Variants in ZNF699 observed in about 807,000 individuals in gnomAD.
ZNF699 encodes the protein hangover homolog.
ZNF699 carries 18 observed loss-of-function variants against 22.5 expected under a neutral mutation model. The ratio of observed to expected loss-of-function variants is 0.80; its 90% CI spans 0.55 to 1.19. The LOEUF (loss-of-function observed/expected upper bound fraction) is 1.19. Among genes scored for constraint, ZNF699 ranks in the 50% most tolerant of loss-of-function variants. ZNF699 has a pLI of 0.00. For missense variants in ZNF699, 670 were observed against 763.4 expected (o/e 0.88, Z 1.44); for synonymous variants, 241 against 262.3 (o/e 0.92, Z 0.78).
At position 9,305,120 on chromosome 19, in the gene ZNF699, G is replaced by A. The variant is rs1490739427; in HGVS notation, c.-1C>T. The A allele has an allele frequency of 3.7e-6, 6 of 1,612,788 alleles. No individual in the cohort carries two copies. The highest frequency in any genetic ancestry group is 4.2e-6 in the Non-Finnish European group (5 of 1,179,696). On this transcript the variant is annotated 5_prime_UTR_variant, in exon 2 of 6. Transcript: ENST00000591998. ...CAGCAGTTTTTCTTTCTTCCTCCATGTCGCCTTCATGAAGAAAAGCAGGAT... is the reference window on the plus strand; with the variant it reads ...CAGCAGTTTTTCTTTCTTCCTCCATATCGCCTTCATGAAGAAAAGCAGGAT...
rs894972728 is a variant in ZNF699 at position 9,297,735 on chromosome 19, C to T, written c.286+145G>A. 2.6e-5 allele frequency: 17 copies of T among 661,292 alleles called. No individual in the cohort carries two copies. The highest frequency in any genetic ancestry group is 1.0e-4 in the South Asian group (5 of 49,348). 41.0% of individuals were successfully genotyped at this position (661,292 alleles called of 1,614,324 possible). On this transcript the variant is annotated intron_variant, in intron 4 of 5. Transcript: ENST00000591998. The surrounding 1 kb of genome is among the most constrained non-coding windows in gnomAD (Gnocchi z 4.3). Reference sequence around the variant, plus strand: ...GTCTTTGCCAAGAACAAGGAAAATGCGAGAGGACTGATAAAAAGTCAAAAT... The same window carrying T: ...GTCTTTGCCAAGAACAAGGAAAATGTGAGAGGACTGATAAAAAGTCAAAAT...
At chr19:9,309,037 G>A (rs1351704118) in intron 1 of ZNF699, among the ~76,000 whole-genome samples, 1 of 151,736 alleles carries the variant, frequency 6.6e-6, no homozygotes, top group Non-Finnish European at 1.5e-5. Context: ...ACAGTGTCTC[G>A]CTCTGTTGCC....
Position 9,293,987 on chromosome 19 carries a change from C to T in ZNF699, c.*1488G>A, listed in dbSNP as rs549445789. Among the ~76,000 whole-genome samples the T allele has an allele frequency of 1.3e-5, 2 of 151,680 alleles. No individual in the cohort carries two copies. Among genetic ancestry groups the T allele is most frequent in the African/African-American group, 4.8e-5 (2 of 41,432 alleles). ...TTTAAAGGTGTCAAGTATAAATCTT[C>T]CTCCATTAAAACAGGATGATACCCT... On this transcript the variant is annotated 3_prime_UTR_variant, in exon 6 of 6. Coordinates refer to ENST00000591998, the MANE Select transcript of ZNF699 (RefSeq NM_198535.3).
intron 2 of ZNF699, 129 bp from the exon 3 acceptor site, chr19:9,302,633 A>G: frequency 1.1e-6 from 1 of 887,404 alleles, no homozygotes; most frequent in Non-Finnish European, 1.7e-6. Flanking sequence ...CCCAGCATCT[A>G]CTCTAGGGCT....
In ZNF699 at chr19:9,295,172, A is replaced by G; in HGVS notation, c.*303T>C. 1 of 338,708 alleles carries G rather than the reference A, an allele frequency of 3.0e-6. No individual in the cohort carries two copies. Among genetic ancestry groups the G allele is most frequent in the Non-Finnish European group, 5.3e-6 (1 of 187,314 alleles). 21.0% of individuals were successfully genotyped at this position (338,708 alleles called of 1,614,324 possible). On this transcript the variant is annotated 3_prime_UTR_variant, in exon 6 of 6. Coordinates refer to ENST00000591998, the MANE Select transcript of ZNF699 (RefSeq NM_198535.3). ...GTATGTGGCTAGAGCTGAAAAGGTA[A>G]ATTTATCACCTTCAATGTTCCTATC...
chr19:9,304,956 C>A, intron 2 of ZNF699, 116 bp downstream of exon 2: 1 of 646,906 alleles, frequency 1.5e-6, no homozygotes, highest in Non-Finnish European at 2.6e-6. Context: ...GCCTTCAGTG[C>A]CTAAAATACT....
At position 9,301,965 on chromosome 19, in the gene ZNF699, C is replaced by T. The variant is rs140151320; in HGVS notation, c.175+413G>A. Among the ~76,000 whole-genome samples, 477 of 150,184 alleles carry T rather than the reference C, an allele frequency of 3.2e-3. 1 individual carries two copies. Among genetic ancestry groups the T allele is most frequent in the Non-Finnish European group, 5.1e-3 (345 of 67,722 alleles). ...TTGCCCAGGCTGGAGTGCAATGGAG[C>T]GATCTTGGCTCACCGTAACCTCCAC... On this transcript the variant is annotated intron_variant, in intron 3 of 5. Coordinates refer to ENST00000591998, the MANE Select transcript of ZNF699 (RefSeq NM_198535.3).
At chr19:9,302,334 A>G (rs2066310506) in intron 3 of ZNF699, 44 bp downstream of exon 3, 1 of 1,608,508 alleles carries the variant, frequency 6.2e-7, no homozygotes, top group Non-Finnish European at 8.5e-7. Flanking sequence ...GTGAGATAAA[A>G]TAACTTTCTA....
chr19:9,299,497 G>T (rs1295869687), intron 3 of ZNF699, among the ~76,000 whole-genome samples: 1 of 151,896 alleles, frequency 6.6e-6, no homozygotes, highest in Non-Finnish European at 1.5e-5. Context: ...TGTAGTAGTG[G>T]TGTGATCATA....
In ZNF699 at chr19:9,292,764, C is replaced by G. The variant is rs904083287; in HGVS notation, c.*2711G>C. 6.6e-6 allele frequency among the ~76,000 whole-genome samples: 1 copy of G among 151,244 alleles called. No homozygotes were observed. The highest frequency in any genetic ancestry group is 1.5e-5 in the Non-Finnish European group (1 of 67,924). ...TTTATACATATCTATGCATGTGTACCTAGATATAGATATACATACATACAA... is the reference window on the plus strand; with the variant it reads ...TTTATACATATCTATGCATGTGTACGTAGATATAGATATACATACATACAA... On this transcript the variant is annotated 3_prime_UTR_variant, in exon 6 of 6. Transcript: ENST00000591998.
chr19:9,302,094 G>T (rs1335367835), intron 3 of ZNF699, among the ~76,000 whole-genome samples: 2 of 151,898 alleles, frequency 1.3e-5, no homozygotes, highest in African/African-American at 2.4e-5. Flanking sequence ...TAGAGACGGG[G>T]TTTCTCCATG....
chr19:9,298,146 T>A (rs200689993), intron 3 of ZNF699, among the ~76,000 whole-genome samples, 156 bp from the exon 4 acceptor site: 19 of 127,294 alleles, frequency 1.5e-4, no homozygotes, highest in Admixed American at 4.0e-4. Flanking sequence ...TTTTTTTTTT[T>A]AAAAAAAGGA....
chr19:9,300,007 C>T (rs1280150272), intron 3 of ZNF699, among the ~76,000 whole-genome samples: 2 of 152,168 alleles, frequency 1.3e-5, no homozygotes, highest in Non-Finnish European at 2.9e-5. Context: ...CAAGGCACCA[C>T]TACACACCTG....
rs377060887 is a variant in ZNF699 at position 9,296,694 on chromosome 19, C to G, written c.710G>C (p.Cys237Ser). 5.0e-6 allele frequency: 8 copies of G among 1,604,694 alleles called. No homozygotes were observed. The highest frequency in any genetic ancestry group is 5.9e-6 in the Non-Finnish European group (7 of 1,177,200). Residue 237 changes from cysteine (C) to serine (S), a missense_variant, in exon 6 of 6, where the codon TGT becomes TCT. By Grantham distance (112) the Cys-to-Ser change is moderately radical. Transcript: ENST00000591998. Reference protein sequence around the residue: ...ECGKAFHFLACFKKHMKTPTE... With the variant: ...ECGKAFHFLASFKKHMKTPTE... ...GGGGGTTTTCATATGCTTCTTGAAA[C>G]AAGCAAGAAAATGGAAGGCCTTCCC...
At chr19:9,300,228 C>A (rs960784071) in intron 3 of ZNF699, among the ~76,000 whole-genome samples, 1 of 152,070 alleles carries the variant, frequency 6.6e-6, no homozygotes, top group African/African-American at 2.4e-5. Context: ...CTACAGGTGC[C>A]CGCCAACACA....
chr19:9,293,261 C>T lies in ZNF699; in HGVS notation c.*2214G>A, dbSNP rs1178568806. Among the ~76,000 whole-genome samples, 1 of 150,476 alleles carries T rather than the reference C, an allele frequency of 6.6e-6. No homozygotes were observed. The highest frequency in any genetic ancestry group is 1.5e-5 in the Non-Finnish European group (1 of 67,848). On this transcript the variant is annotated 3_prime_UTR_variant, in exon 6 of 6. Transcript: ENST00000591998. ...GAAATCATTACACATCAGGTAAATG[C>T]ACACTGTCTGCTGGATGACTATAAT...
chr19:9,295,417 A>G lies in ZNF699; in HGVS notation c.*58T>C, dbSNP rs774856941. The G allele has an allele frequency of 1.9e-4, 287 of 1,533,270 alleles. No homozygotes were observed. The highest frequency in any genetic ancestry group is 2.4e-4 in the Non-Finnish European group (273 of 1,144,972). 95.0% of individuals were successfully genotyped at this position (1,533,270 alleles called of 1,614,324 possible). The stretch of plus-strand genomic sequence containing the variant: ...ATTCATAGGGTGTCTCCACAGTATG[A>G]GATCTCACATGTTGCCTAGGATCTG... On this transcript the variant is annotated 3_prime_UTR_variant, in exon 6 of 6. Transcript: ENST00000591998.
intron 1 of ZNF699, among the ~76,000 whole-genome samples, chr19:9,308,681 C>T (rs1458616219): frequency 6.6e-6 from 1 of 152,050 alleles, no homozygotes; most frequent in African/African-American, 2.4e-5. Context: ...CAGCAAACAT[C>T]CTATTTAATG....
chr19:9,302,636 C>A, intron 2 of ZNF699, 132 bp from the exon 3 acceptor site: 1 of 868,220 alleles, frequency 1.2e-6, no homozygotes, highest in Non-Finnish European at 1.7e-6. Context: ...AGCATCTACT[C>A]TAGGGCTCAG....
Sources: gnomAD v4.1 joint callset for allele counts (sites outside exome capture counted in the v4.1 genomes callset) on GRCh38, gnomAD v4.1.1 for gene constraint, Gnocchi (gnomAD v3.1) non-coding constraint, MANE v1.5 for transcripts, NCBI Gene and HGNC (gene_info 2026-07-23, HGNC 2026-07-21) for gene names.